The following TNKS1BP1 variants were observed in gnomAD, a reference collection of about 807,000 sequenced individuals.
The protein encoded by TNKS1BP1 is 182 kDa tankyrase-1-binding protein.
Under a neutral mutation model 141.1 loss-of-function variants are expected in TNKS1BP1, and 48 were observed. The ratio of observed to expected loss-of-function variants is 0.34; its 90% confidence interval spans 0.27 to 0.43. The LOEUF is 0.43. Among genes scored for constraint, TNKS1BP1 ranks in the 20% least tolerant of loss-of-function variants. The pLI is 1.00. For synonymous variants in TNKS1BP1, 875 were observed against 898.2 expected (o/e 0.97, Z 0.46); for missense variants, 2,149 against 2,226.0 (o/e 0.97, Z 0.70).
At chr11:57,324,681 C>A (rs1023246766) in intron 1 of TNKS1BP1, among the ~76,000 whole-genome samples, 159 bp downstream of exon 1, 7 of 152,116 alleles carry the variant, frequency 4.6e-5, no homozygotes, top group Non-Finnish European at 1.0e-4. Flanking sequence ...TCCAGCGTCC[C>A]CAGCGCCCTC....
chr11:57,308,774 T>C lies in TNKS1BP1; in HGVS notation c.3937A>G (p.Asn1313Asp). Residue 1313 changes from asparagine (N) to aspartate (D), a missense_variant, in exon 6 of 12, where the codon AAC (asparagine) becomes GAC (aspartate). Transcript: ENST00000358252. ...ELGVGQMDWG[N>D]NLGLRDLEVT... ...TCCAAATCCCTCAGGCCCAGATTGT[T>C]ACCCCAGTCCATCTGGCCCACCCCA... 1 of 1,613,976 alleles carries C rather than the reference T, an allele frequency of 6.2e-7. No homozygotes were observed. The highest frequency in any genetic ancestry group is 1.6e-4 in the Middle Eastern group (1 of 6,062).
At chr11:57,319,407 A>G (rs1028410662) in intron 3 of TNKS1BP1, among the ~76,000 whole-genome samples, 2 of 152,090 alleles carry the variant, frequency 1.3e-5, no homozygotes, top group Admixed American at 6.5e-5. Flanking sequence ...TGGATCTAAT[A>G]CTCCCTTGAA....
Position 57,309,618 on chromosome 11 carries a change from G to C in TNKS1BP1, c.3093C>G (p.Ser1031Arg), listed in dbSNP as rs1428838277. 1 of 1,613,868 alleles carries C rather than the reference G, an allele frequency of 6.2e-7. No homozygotes were observed. The highest frequency in any genetic ancestry group is 8.5e-7 in the Non-Finnish European group (1 of 1,180,040). Residue 1031 changes from serine to arginine, a missense_variant, in exon 6 of 12, where the codon AGC (serine) becomes AGG (arginine). Ser to Arg is a moderately radical substitution (Grantham distance 110). Coordinates refer to ENST00000358252, the MANE Select transcript of TNKS1BP1 (RefSeq NM_033396.3). The surrounding 1 kb of genome is among the most constrained non-coding windows in gnomAD (Gnocchi z 4.3). ...ERGSGGLFSP[S>R]TAHVPDGALG... ...GTGCCCCATCCGGCACGTGGGCAGT[G>C]CTAGGACTGAACAAGCCCCCGGATC...
intron 1 of TNKS1BP1, among the ~76,000 whole-genome samples, chr11:57,324,443 G>A (rs1855932748): frequency 7.0e-6 from 1 of 143,140 alleles, no homozygotes; most frequent in South Asian, 2.3e-4. Context: ...TGCAGACGTC[G>A]ATCAGGTGGG....
chr11:57,321,914 G>C lies in TNKS1BP1; in HGVS notation c.-29C>G. ...ATGCGGCAGACCCTCCTTGAGAGCG[G>C]GGAGGCAGAGAGGTATGAGCTGGGG... On this transcript the variant is annotated 5_prime_UTR_variant, in exon 2 of 12. Transcript: ENST00000358252. 1 of 1,613,152 alleles carries C rather than the reference G, an allele frequency of 6.2e-7. No individual in the cohort carries two copies.
At chr11:57,317,785 G>T in intron 4 of TNKS1BP1, 33 bp downstream of exon 4, 1 of 1,601,456 alleles carries the variant, frequency 6.2e-7, no homozygotes, top group Non-Finnish European at 8.6e-7. Flanking sequence ...TCTAAAATAC[G>T]TGATTCTGAT....
intron 5 of TNKS1BP1, chr11:57,311,382 C>T (rs938146139): frequency 1.0e-6 from 1 of 985,668 alleles, no homozygotes; most frequent in East Asian, 1.1e-4. Context: ...GCCCCCAACC[C>T]GCCTTGGGGC....
intron 6 of TNKS1BP1, among the ~76,000 whole-genome samples, chr11:57,307,368 C>A (rs941621757): frequency 2.0e-5 from 3 of 152,160 alleles, no homozygotes; most frequent in Non-Finnish European, 4.4e-5. Context: ...TCCGTCACCA[C>A]CCCGTCAACA....
chr11:57,306,480 C>T (rs945840272), intron 6 of TNKS1BP1, among the ~76,000 whole-genome samples: 9 of 152,158 alleles, frequency 5.9e-5, no homozygotes, highest in African/African-American at 9.7e-5. Context: ...ATTTTCCAAA[C>T]ATATTCACAG....
At chr11:57,324,553 C>A (rs893157595) in intron 1 of TNKS1BP1, among the ~76,000 whole-genome samples, 1 of 149,344 alleles carries the variant, frequency 6.7e-6, no homozygotes, top group African/African-American at 2.5e-5. Flanking sequence ...CGGCTCTGCC[C>A]GCCCCCGGCC....
Position 57,310,417 on chromosome 11 carries a change from C to A in TNKS1BP1, c.2294G>T (p.Gly765Val). Reference protein sequence around the residue: ...DYGLGGASPRGDPGLGERDWT... With the variant: ...DYGLGGASPRVDPGLGERDWT... ...GTCCCTCTCTCCGAGACCTGGGTCT[C>A]CTCTAGGGCTTGCACCCCCAAGGCC... The change falls in exon 6 of 12, where the codon GGA (glycine) becomes GTA (valine). Residue 765 changes from glycine (G) to valine (V), a missense_variant. By Grantham distance (109) the Gly-to-Val change is moderately radical. Coordinates refer to ENST00000358252, the MANE Select transcript of TNKS1BP1 (RefSeq NM_033396.3). 6.2e-7 allele frequency: 1 copy of A among 1,614,044 alleles called. No homozygotes were observed. Among genetic ancestry groups the A allele is most frequent in the African/African-American group, 1.3e-5 (1 of 75,034 alleles).
chr11:57,321,457 G>A (rs1169097179), intron 2 of TNKS1BP1, among the ~76,000 whole-genome samples: 4 of 152,204 alleles, frequency 2.6e-5, no homozygotes, highest in African/African-American at 7.2e-5. Flanking sequence ...TCTACACAAG[G>A]AGCCAGGAGG....
chr11:57,313,436 G>C lies in TNKS1BP1; in HGVS notation c.1252C>G (p.Leu418Val), dbSNP rs1280108217. 6.2e-7 allele frequency: 1 copy of C among 1,608,386 alleles called. No homozygotes were observed. Among genetic ancestry groups the C allele is most frequent in the Admixed American group, 1.7e-5 (1 of 59,666 alleles). The change falls in exon 5 of 12, where the codon CTC becomes GTC. Residue 418 changes from leucine to valine, a missense_variant. Transcript: ENST00000358252. The part of the protein sequence containing the change: ...GEEEAKGDAH[L>V]RPTSLVQRRF... Reference sequence around the variant, plus strand: ...CGCTGAACCAGGCTGGTGGGGCGGAGGTGTGCGTCACCCTTGGCCTCCTCC... The same window carrying C: ...CGCTGAACCAGGCTGGTGGGGCGGACGTGTGCGTCACCCTTGGCCTCCTCC...
In TNKS1BP1 at chr11:57,300,546, C is replaced by G. The variant is rs1355344217; in HGVS notation, c.5184G>C (p.Lys1728Asn). The G allele has an allele frequency of 6.2e-7, 1 of 1,613,386 alleles. No homozygotes were observed. The highest frequency in any genetic ancestry group is 8.5e-7 in the Non-Finnish European group (1 of 1,179,456). Residue 1728 changes from lysine to asparagine, a missense_variant, in exon 11 of 12, where the codon AAG (lysine) becomes AAC (asparagine). By Grantham distance (94) the Lys-to-Asn change is moderately conservative. Transcript: ENST00000358252. Reference protein sequence around the residue: ...WLQALKLKKKKV With the variant: ...WLQALKLKKKNV ...TCCTCACCTCAGTGACTTCTCAGAC[C>G]TTCTTCTTCTTCAGTTTCAGGGCTT... is the stretch of plus-strand genomic sequence containing the variant.
At chr11:57,303,836 G>A (rs1389935265) in intron 6 of TNKS1BP1, among the ~76,000 whole-genome samples, 1 of 152,118 alleles carries the variant, frequency 6.6e-6, no homozygotes, top group Non-Finnish European at 1.5e-5. Context: ...GATCACGTGA[G>A]CCCAGGAGTT....
chr11:57,307,371 C>T (rs916118477), intron 6 of TNKS1BP1, among the ~76,000 whole-genome samples: 6 of 152,134 alleles, frequency 3.9e-5, no homozygotes, highest in African/African-American at 9.7e-5. Context: ...GTCACCACCC[C>T]GTCAACAGCC....
intron 3 of TNKS1BP1, among the ~76,000 whole-genome samples, chr11:57,318,383 A>C (rs1242337389): frequency 3.3e-5 from 5 of 152,162 alleles, no homozygotes; most frequent in Non-Finnish European, 7.4e-5. Flanking sequence ...GGCGGGTGGA[A>C]CCCAGCCTGG....
At chr11:57,321,660 A>T (rs889332036) in intron 2 of TNKS1BP1, 132 bp downstream of exon 2, 5 of 999,532 alleles carry the variant, frequency 5.0e-6, no homozygotes, top group Admixed American at 5.5e-5. Context: ...CTCATCCTGT[A>T]CTGCCTTGGT....
chr11:57,322,097 A>G, intron 1 of TNKS1BP1, 147 bp from the exon 2 acceptor site: 2 of 1,051,166 alleles, frequency 1.9e-6, no homozygotes, highest in Non-Finnish European at 2.6e-6. Context: ...GGAGGAGGTC[A>G]AGGGAGGTTC....
Sources: allele counts gnomAD v4.1 joint callset (sites outside exome capture counted in the v4.1 genomes callset), GRCh38; gene constraint gnomAD v4.1.1; non-coding constraint Gnocchi (gnomAD v3.1); transcripts MANE v1.5; gene names NCBI Gene and HGNC (gene_info 2026-07-23, HGNC 2026-07-21).